PTPN12: variants seen among roughly 807,000 people sequenced by gnomAD.
The protein encoded by PTPN12 is tyrosine-protein phosphatase non-receptor type 12.
PTPN12 carries 29 observed loss-of-function variants against 97.6 expected under a neutral mutation model. The ratio of observed to expected loss-of-function variants is 0.30; its 90% CI spans 0.22 to 0.41. PTPN12 has a LOEUF of 0.41. PTPN12 is among the 10% of genes least tolerant of loss of function. The probability of loss-of-function intolerance (pLI) is 1.00; values close to 1 mark genes in which losing one functional copy is unlikely to be tolerated. For synonymous variants in PTPN12, 327 were observed against 300.4 expected (o/e 1.09, Z -0.91); for missense variants, 819 against 926.0 (o/e 0.88, Z 1.50).
chr7:77,537,565 C>A lies in PTPN12; in HGVS notation c.19C>A (p.Leu7Met). Reference sequence around the variant, plus strand: ...CGGGAGGATGGAGCAAGTGGAGATCCTGAGGAAATTCATCCAGAGGGTCCA... The same window carrying A: ...CGGGAGGATGGAGCAAGTGGAGATCATGAGGAAATTCATCCAGAGGGTCCA... Reference protein sequence around the residue: MEQVEILRKFIQRVQAM... With the variant: MEQVEIMRKFIQRVQAM... Residue 7 changes from leucine (L) to methionine (M), a missense_variant, in exon 1 of 18, where the codon CTG becomes ATG. Leu to Met is a conservative substitution (Grantham distance 15). Around this residue, in one of 5 missense-constraint regions of PTPN12, gnomAD observed 59 missense variants for 42.2 expected, o/e 1.40. Transcript: ENST00000248594. The A allele has an allele frequency of 1.3e-6, 2 of 1,599,664 alleles. No individual in the cohort carries two copies. Among genetic ancestry groups the A allele is most frequent in the Non-Finnish European group, 1.7e-6 (2 of 1,174,556 alleles).
At chr7:77,540,219 A>ACTTC (rs767072613) in intron 1 of PTPN12, among the ~76,000 whole-genome samples, 3 of 149,040 alleles carry the variant, frequency 2.0e-5, no homozygotes, top group Middle Eastern at 6.5e-3. Flanking sequence ...TGGAGAGTTC[A>ACTTC]TTTCTTTCTT....
intron 1 of PTPN12, chr7:77,538,045 G>T: frequency 9.9e-7 from 1 of 1,005,178 alleles, no homozygotes; most frequent in Non-Finnish European, 1.2e-6. Flanking sequence ...GTCGAGGCAA[G>T]GTATCTGGCT....
At chr7:77,580,563 G>T (rs1319925560) in intron 2 of PTPN12, among the ~76,000 whole-genome samples, 1 of 151,946 alleles carries the variant, frequency 6.6e-6, no homozygotes, top group African/African-American at 2.4e-5. Context: ...TGAAGGGCAG[G>T]GGAGGCTTAC....
At chr7:77,597,338 G>A (rs1435642946) in intron 6 of PTPN12, among the ~76,000 whole-genome samples, 1 of 152,152 alleles carries the variant, frequency 6.6e-6, no homozygotes, top group African/African-American at 2.4e-5. Context: ...GGCCAGGCTG[G>A]TCTCGAACTC....
At chr7:77,605,900 TG>T (rs1788355651) in intron 8 of PTPN12, among the ~76,000 whole-genome samples, 1 of 150,540 alleles carries the variant, frequency 6.6e-6, no homozygotes, top group Non-Finnish European at 1.5e-5. Flanking sequence ...TTCTATAGAT[TG>T]AAATGATGTA....
At position 77,626,739 on chromosome 7, in the gene PTPN12, C is replaced by T. The variant is rs766958442; in HGVS notation, c.1060C>T (p.Leu354=). ...LVEGDAKEEI[L]QPPEPHPVPP... ...TGAAGGGGATGCTAAAGAAGAAATA[C>T]TGCAGCCACCGGAACCTCATCCAGT... Residue 354 remains leucine, a synonymous_variant, in exon 13 of 18, where the codon CTG becomes TTG. Coordinates refer to ENST00000248594, the MANE Select transcript of PTPN12 (RefSeq NM_002835.4). The T allele has an allele frequency of 1.9e-6, 3 of 1,606,558 alleles. No individual in the cohort carries two copies. Among genetic ancestry groups the T allele is most frequent in the Non-Finnish European group, 2.5e-6 (3 of 1,177,446 alleles).
rs1179793825 is a variant in PTPN12, at chr7:77,625,565, C to CTTT, written c.1026-1119_1026-1117dup. 1.7e-4 allele frequency among the ~76,000 whole-genome samples: 4 copies of CTTT among 24,152 alleles called. 1 individual carries two copies. Among genetic ancestry groups the CTTT allele is most frequent in the East Asian group, 2.2e-3 (1 of 460 alleles). The allele number at this position is 24,152 out of a possible 152,430, so 15.8% of individuals were successfully genotyped here. A position where few individuals can be genotyped will look rare whatever the true frequency, so the allele number is the denominator to read the frequency against. On this transcript the variant is annotated intron_variant, in intron 12 of 17. Coordinates refer to ENST00000248594, the MANE Select transcript of PTPN12 (RefSeq NM_002835.4). ...GCGCTCTCTCTCTCGCTCTCTCTCT[C>CTTT]TTTTTTTTTTTTTTTTTTTTTTTGG... is the stretch of plus-strand genomic sequence containing the variant.
intron 11 of PTPN12, among the ~76,000 whole-genome samples, chr7:77,617,796 A>T (rs539020638): frequency 1.6e-4 from 24 of 152,254 alleles, no homozygotes; most frequent in African/African-American, 5.5e-4. Context: ...TCCTAAACCT[A>T]AGGTTCTTAT....
intron 1 of PTPN12, among the ~76,000 whole-genome samples, chr7:77,548,697 A>G (rs1460390353): frequency 2.0e-5 from 3 of 152,212 alleles, no homozygotes; most frequent in Admixed American, 2.0e-4. Flanking sequence ...AATTACAAAA[A>G]AAGTTTTCTG....
chr7:77,628,286 A>G (rs911664271), intron 13 of PTPN12, among the ~76,000 whole-genome samples: 1 of 152,140 alleles, frequency 6.6e-6, no homozygotes, highest in African/African-American at 2.4e-5. Flanking sequence ...AAGAATTATT[A>G]TTTTTTTAGC....
chr7:77,572,422 C>G (rs767841823), intron 2 of PTPN12, among the ~76,000 whole-genome samples: 1 of 152,130 alleles, frequency 6.6e-6, no homozygotes, highest in East Asian at 1.9e-4. Flanking sequence ...TGCCATTGAT[C>G]AATCCCTATT....
intron 13 of PTPN12, among the ~76,000 whole-genome samples, chr7:77,630,642 T>C (rs1046135130): frequency 9.9e-5 from 15 of 152,182 alleles, no homozygotes; most frequent in Non-Finnish European, 2.1e-4. Context: ...AAAACATCAT[T>C]ATGTAGTGCA....
intron 12 of PTPN12, among the ~76,000 whole-genome samples, chr7:77,618,770 T>C (rs1421688252): frequency 6.6e-6 from 1 of 152,226 alleles, no homozygotes; most frequent in Non-Finnish European, 1.5e-5. Context: ...AATAATATAC[T>C]GTAGCAGAAT....
intron 2 of PTPN12, among the ~76,000 whole-genome samples, chr7:77,575,171 T>C (rs372241572): frequency 2.6e-5 from 4 of 152,036 alleles, no homozygotes; most frequent in South Asian, 2.1e-4. Context: ...CTGAGAGATA[T>C]GTGCTTATTT....
At position 77,585,590 on chromosome 7, in the gene PTPN12, A is replaced by G; in HGVS notation, c.420+9A>G. 1 of 1,585,968 alleles carries G rather than the reference A, an allele frequency of 6.3e-7. No homozygotes were observed. The highest frequency in any genetic ancestry group is 2.2e-5 in the East Asian group (1 of 44,496). On this transcript the variant is annotated intron_variant, in intron 5 of 17. Transcript: ENST00000248594. ...AATTTGAGATGGGAAGGGTATGTAT[A>G]ATCTATTCCTCTTACTATTTCATTT...
chr7:77,607,362 T>A, intron 9 of PTPN12, 61 bp downstream of exon 9: 1 of 1,192,586 alleles, frequency 8.4e-7, no homozygotes, highest in Non-Finnish European at 1.2e-6. Context: ...CAAACTTAAT[T>A]ATAATTGCAG....
intron 12 of PTPN12, among the ~76,000 whole-genome samples, chr7:77,625,472 G>GCTTGCGCT (rs1554326598): frequency 8.9e-5 from 3 of 33,526 alleles, no homozygotes; most frequent in African/African-American, 2.7e-4. Flanking sequence ...CAGGCTGCTC[G>GCTTGCGCT]CTCTCTCTCT....
chr7:77,622,466 G>A (rs1412909232), intron 12 of PTPN12, among the ~76,000 whole-genome samples: 1 of 152,092 alleles, frequency 6.6e-6, no homozygotes, highest in Non-Finnish European at 1.5e-5. Context: ...TAAGTAAGAA[G>A]CTCTTAGAAA....
intron 5 of PTPN12, 27 bp downstream of exon 5, chr7:77,585,608 T>C (rs548799437): frequency 6.4e-6 from 10 of 1,558,794 alleles, no homozygotes; most frequent in Middle Eastern, 1.7e-4. Flanking sequence ...CCTCTTACTA[T>C]TTCATTTTTA....
Sources: allele counts gnomAD v4.1 joint callset (sites outside exome capture counted in the v4.1 genomes callset), GRCh38; gene constraint gnomAD v4.1.1; regional missense constraint gnomAD v4.1.1; transcripts MANE v1.5; gene names NCBI Gene and HGNC (gene_info 2026-07-23, HGNC 2026-07-21).